The following SLC24A2 variants were observed in gnomAD, a reference collection of about 807,000 sequenced individuals.
The protein encoded by SLC24A2 is sodium/potassium/calcium exchanger 2.
A neutral mutation model predicts 62.0 loss-of-function variants in SLC24A2; 36 were observed. The ratio of observed to expected loss-of-function variants is 0.58; its 90% CI spans 0.44 to 0.77. The LOEUF is 0.77. Ranked by LOEUF, SLC24A2 falls within the 30% of genes least tolerant of loss-of-function variation. The probability of loss-of-function intolerance (pLI) is 0.00; values close to 1 mark genes in which losing one functional copy is unlikely to be tolerated. For synonymous variants in SLC24A2, 358 were observed against 294.0 expected (o/e 1.22, Z -2.23); for missense variants, 846 against 817.9 (o/e 1.03, Z -0.42).
chr9:20,069,634 T>G, the SLC24A2 span, among the ~76,000 whole-genome samples: 1 of 152,220 alleles, frequency 6.6e-6, no homozygotes, highest in Non-Finnish European at 1.5e-5. Flanking sequence ...ATAATTAGTT[T>G]CTTTTATTTT....
the SLC24A2 span, among the ~76,000 whole-genome samples, chr9:20,133,353 A>G: frequency 2.6e-5 from 4 of 152,156 alleles, no homozygotes; most frequent in Non-Finnish European, 5.9e-5. Context: ...CAAACATAAA[A>G]TATCTCACAG....
At chr9:20,232,310 A>G in the SLC24A2 span, among the ~76,000 whole-genome samples, 100 of 152,172 alleles carry the variant, frequency 6.6e-4, 1 homozygote, top group African/African-American at 2.3e-3. Context: ...AGAAGGAATG[A>G]TACCAGCTCC....
the SLC24A2 span, among the ~76,000 whole-genome samples, chr9:20,249,342 C>G: frequency 3.9e-5 from 6 of 152,044 alleles, no homozygotes; most frequent in African/African-American, 1.4e-4. Flanking sequence ...TTTCCTGAGC[C>G]TCAGTTTTCT....
intron 2 of SLC24A2, among the ~76,000 whole-genome samples, chr9:19,678,364 T>G (rs998937296): frequency 6.6e-6 from 1 of 152,200 alleles, no homozygotes; most frequent in African/African-American, 2.4e-5. Flanking sequence ...CTGCAGGAAG[T>G]TGCATCTCAC....
intron 2 of SLC24A2, among the ~76,000 whole-genome samples, chr9:19,745,021 G>C (rs139814098): frequency 6.6e-6 from 1 of 152,174 alleles, no homozygotes; most frequent in African/African-American, 2.4e-5. Flanking sequence ...GCATGTTGGA[G>C]GGGATCCTAG....
intron 2 of SLC24A2, among the ~76,000 whole-genome samples, chr9:19,693,938 G>A (rs1347966559): frequency 2.0e-5 from 3 of 151,952 alleles, no homozygotes; most frequent in Admixed American, 6.6e-5. Flanking sequence ...CAGATAGGTT[G>A]GGGGAGGAAA....
chr9:19,951,049 A>T, the SLC24A2 span, among the ~76,000 whole-genome samples: 1 of 152,204 alleles, frequency 6.6e-6, no homozygotes, highest in African/African-American at 2.4e-5. Context: ...GATCTTACAC[A>T]TTGCTGAAGA....
At chr9:19,765,393 G>A (rs10811240) in intron 2 of SLC24A2, among the ~76,000 whole-genome samples, 56,559 of 152,064 alleles carry the variant, frequency 0.37, 11,804 homozygotes, top group Admixed American at 0.47. Context: ...TCATAGTGCC[G>A]ATGGTCTTTA....
the SLC24A2 span, among the ~76,000 whole-genome samples, chr9:20,072,306 T>C: frequency 6.6e-6 from 1 of 152,090 alleles, no homozygotes; most frequent in African/African-American, 2.4e-5. Context: ...CTCTGTGCAA[T>C]GAGGGTCTTA....
At chr9:19,636,714 G>A (rs1168820021) in intron 2 of SLC24A2, among the ~76,000 whole-genome samples, 1 of 152,048 alleles carries the variant, frequency 6.6e-6, no homozygotes, top group African/African-American at 2.4e-5. Flanking sequence ...GATTACAGGT[G>A]TGAGCCACCA....
At chr9:19,578,469 T>C (rs1836100863) in intron 5 of SLC24A2, among the ~76,000 whole-genome samples, 1 of 151,878 alleles carries the variant, frequency 6.6e-6, no homozygotes. Context: ...TATAAAAAAA[T>C]TCTCATTTTA....
At chr9:19,732,206 C>A (rs994423351) in intron 2 of SLC24A2, among the ~76,000 whole-genome samples, 1 of 152,148 alleles carries the variant, frequency 6.6e-6, no homozygotes, top group Non-Finnish European at 1.5e-5. Flanking sequence ...AGCCCCTGAC[C>A]CCTAGTGGGC....
the SLC24A2 span, among the ~76,000 whole-genome samples, chr9:19,827,729 T>G: frequency 2.0e-5 from 3 of 152,126 alleles, no homozygotes; most frequent in African/African-American, 7.2e-5. Context: ...TAAGATGATA[T>G]TTTCTAGTTC....
At chr9:19,519,685 G>C (rs1833098121) in intron 10 of SLC24A2, among the ~76,000 whole-genome samples, 3 of 152,240 alleles carry the variant, frequency 2.0e-5, no homozygotes, top group East Asian at 1.9e-4. Flanking sequence ...GATATACCAG[G>C]ACAAGAGTAA....
chr9:19,933,466 C>CTATT, the SLC24A2 span, among the ~76,000 whole-genome samples: 2 of 151,964 alleles, frequency 1.3e-5, no homozygotes, highest in South Asian at 2.1e-4. Context: ...ATTCTTAGTT[C>CTATT]CATTCATTCA....
At chr9:19,663,512 T>A (rs537905627) in intron 2 of SLC24A2, among the ~76,000 whole-genome samples, 1 of 152,274 alleles carries the variant, frequency 6.6e-6, no homozygotes, top group South Asian at 2.1e-4. Context: ...AGATGCCTCC[T>A]GACTTGTCAA....
At chr9:19,831,340 G>C in the SLC24A2 span, among the ~76,000 whole-genome samples, 1 of 152,140 alleles carries the variant, frequency 6.6e-6, no homozygotes, top group African/African-American at 2.4e-5. Context: ...CTGAAAGTCT[G>C]TATGAAAATA....
At chr9:19,684,353 T>A (rs747353295) in intron 2 of SLC24A2, among the ~76,000 whole-genome samples, 1 of 152,024 alleles carries the variant, frequency 6.6e-6, no homozygotes, top group Non-Finnish European at 1.5e-5. Flanking sequence ...TAGGGTAACA[T>A]CCTTAAAGCA....
At chr9:20,145,329 A>T in the SLC24A2 span, among the ~76,000 whole-genome samples, 2 of 151,886 alleles carry the variant, frequency 1.3e-5, no homozygotes, top group African/African-American at 4.8e-5. Context: ...GGGATATAAC[A>T]TGGGGGATAT....
Sources: gnomAD v4.1 joint callset for allele counts (sites outside exome capture counted in the v4.1 genomes callset) on GRCh38, gnomAD v4.1.1 for gene constraint, MANE v1.5 for transcripts, NCBI Gene and HGNC (gene_info 2026-07-23, HGNC 2026-07-21) for gene names.